SUN1: variants seen among roughly 807,000 people sequenced by gnomAD.
SUN1 encodes the protein Sad1 and UNC84 domain containing 1.
SUN1 carries 61 observed loss-of-function variants against 103.2 expected under a neutral mutation model. That is an observed-to-expected ratio of 0.59 (90% confidence interval 0.48 to 0.73). SUN1 has a LOEUF of 0.73. SUN1 is among the 30% of genes least tolerant of loss of function. The pLI, the probability that SUN1 is intolerant of heterozygous loss-of-function variation, is 0.00. For missense variants in SUN1, 1,052 were observed against 1,034.6 expected (o/e 1.02, Z -0.23); for synonymous variants, 490 against 425.7 (o/e 1.15, Z -1.86).
upstream of SUN1, chr7:815,822 G>C (rs1377221714): frequency 4.7e-6 from 1 of 214,378 alleles, no homozygotes; most frequent in East Asian, 1.9e-4. Context: ...GCCGCGGGAG[G>C]AGCCCGGCCT....
intron 1 of SUN1, among the ~76,000 whole-genome samples, chr7:837,074 G>A (rs1486370143): frequency 6.6e-6 from 1 of 152,244 alleles, no homozygotes; most frequent in African/African-American, 2.4e-5. Flanking sequence ...GGTGAGCTTG[G>A]GAGAAAGCGT....
chr7:834,688 A>G (rs1240101931), intron 1 of SUN1, among the ~76,000 whole-genome samples: 1 of 152,168 alleles, frequency 6.6e-6, no homozygotes, highest in Non-Finnish European at 1.5e-5. Context: ...TTCTGTCTCC[A>G]TCACTACCCT....
At chr7:864,030 G>C (rs541063087) in intron 15 of SUN1, among the ~76,000 whole-genome samples, 8 of 152,096 alleles carry the variant, frequency 5.3e-5, no homozygotes, top group African/African-American at 1.9e-4. Flanking sequence ...TTATTAGCTG[G>C]TATTAGATAA....
In SUN1 at chr7:816,764, C is replaced by T. The variant is rs1191882812; in HGVS notation, c.-74+91C>T. ...CGGGGGCCCGGGGGCCGGGGGGACG[C>T]GGGGTCGCGGCCTGGGCGCCCTCAG... On this transcript the variant is annotated intron_variant, in intron 1 of 17. Coordinates refer to the SUN1 transcript ENST00000389574. 1.2e-4 allele frequency: 17 copies of T among 147,554 alleles called. No homozygotes were observed. In the East Asian group the frequency reaches 1.4e-3, roughly 12 times the overall value. The allele number at this position is 147,554 out of a possible 1,614,324, so 9.1% of individuals were successfully genotyped here.
In SUN1 at chr7:839,006, C is replaced by G. The variant is rs1316140873; in HGVS notation, c.266+20C>G. ...GGCCAGGTGAGCACCGCTGCACTTC[C>G]TCTCCATCTGATCTCTAACACCAGT... On this transcript the variant is annotated intron_variant, in intron 2 of 18. Coordinates refer to ENST00000401592, the MANE Select transcript of SUN1 (RefSeq NM_001130965.3). 1.3e-6 allele frequency: 2 copies of G among 1,520,338 alleles called. No homozygotes were observed. Among genetic ancestry groups the G allele is most frequent in the Non-Finnish European group, 8.8e-7 (1 of 1,134,826 alleles). The allele number at this position is 1,520,338 out of a possible 1,614,324, so 94.2% of individuals were successfully genotyped here.
chr7:872,686 C>G, intron 18 of SUN1, 124 bp downstream of exon 18: 1 of 723,270 alleles, frequency 1.4e-6, no homozygotes, highest in African/African-American at 1.8e-5. Flanking sequence ...AAATGTTAAC[C>G]TGCGCTTCCT....
At chr7:827,477 T>TTTG (rs1554260656), upstream of SUN1, among the ~76,000 whole-genome samples, 15,731 of 144,598 alleles carry the variant, frequency 0.11, 1,008 homozygotes, top group South Asian at 0.23. Flanking sequence ...TTTTTTTTTT[T>TTTG]TTTTTTTTTT....
intron 1 of SUN1, among the ~76,000 whole-genome samples, chr7:823,481 A>T (rs1788356504): frequency 6.6e-6 from 1 of 151,462 alleles, no homozygotes; most frequent in South Asian, 2.1e-4. Flanking sequence ...AGGCAGGAGG[A>T]CATTCATTGC....
intron 1 of SUN1, among the ~76,000 whole-genome samples, chr7:817,656 T>C (rs770278199): frequency 1.3e-5 from 2 of 152,216 alleles, no homozygotes; most frequent in Non-Finnish European, 2.9e-5. Flanking sequence ...TGCTAAAGCT[T>C]TGTATGAAGG....
At chr7:817,135 T>G in intron 1 of SUN1, 1 of 372,214 alleles carries the variant, frequency 2.7e-6, no homozygotes. Context: ...GGAAGACGGT[T>G]TTATTTAAGA....
rs1299514340 is a variant in SUN1 at position 873,300 on chromosome 7, G to A, written c.2327G>A (p.Arg776Gln). 2 of 1,614,058 alleles carry A rather than the reference G, an allele frequency of 1.2e-6. No individual in the cohort carries two copies. Among genetic ancestry groups the A allele is most frequent in the Non-Finnish European group, 1.7e-6 (2 of 1,180,044 alleles). ...WGHPEYTCLY[R>Q]FRVHGEPVK is the part of the protein sequence containing the mutation. ...CATCCTGAGTATACCTGTCTGTATC[G>A]GTTCAGAGTTCATGGCGAACCTGTC... Residue 776 changes from arginine (R) to glutamine (Q), a missense_variant, in exon 19 of 19, where the codon CGG becomes CAG. Physicochemically the swap from Arg to Gln is conservative, Grantham distance 43. Coordinates refer to ENST00000401592, the MANE Select transcript of SUN1 (RefSeq NM_001130965.3).
At chr7:864,410 C>T (rs150613393) in intron 15 of SUN1, among the ~76,000 whole-genome samples, 175 of 152,002 alleles carry the variant, frequency 1.2e-3, no homozygotes, top group African/African-American at 3.8e-3. Context: ...AAAAATTATC[C>T]GGGTGTGGTG....
intron 5 of SUN1, chr7:849,952 G>A (rs751252822): frequency 2.5e-6 from 4 of 1,600,880 alleles, no homozygotes; most frequent in African/African-American, 1.3e-5. Context: ...GAGGCACCTC[G>A]ACGCGCACAC....
chr7:850,022 G>T, intron 5 of SUN1: 1 of 1,592,610 alleles, frequency 6.3e-7, no homozygotes. Flanking sequence ...TGGCACATCT[G>T]GGCATGTGCA....
chr7:830,217 C>T (rs910260273), upstream of SUN1, among the ~76,000 whole-genome samples: 1 of 152,208 alleles, frequency 6.6e-6, no homozygotes, highest in Non-Finnish European at 1.5e-5. Context: ...GCGCAGAGCA[C>T]CTGCCTTGGG....
In SUN1 at chr7:866,069, T is replaced by G; in HGVS notation, c.1980+2T>G. On this transcript the variant is annotated splice_donor_variant, in intron 16 of 18. Coordinates refer to ENST00000401592, the MANE Select transcript of SUN1 (RefSeq NM_001130965.3). LOFTEE classifies it high-confidence loss of function. ...CAGTCCCCGCGCGTGGTCATCCAGG[T>G]GAGTGGCCGCCGGTGGCCGGAGCTG... The G allele has an allele frequency of 6.2e-7, 1 of 1,613,888 alleles. No homozygotes were observed. Among genetic ancestry groups the G allele is most frequent in the Non-Finnish European group, 8.5e-7 (1 of 1,179,848 alleles).
chr7:845,702 T>C (rs1424607560), intron 5 of SUN1, among the ~76,000 whole-genome samples: 1 of 152,242 alleles, frequency 6.6e-6, no homozygotes, highest in East Asian at 1.9e-4. Flanking sequence ...TATGTACTAA[T>C]GGTAATTCTC....
intron 9 of SUN1, 133 bp from the exon 10 acceptor site, chr7:853,276 T>C: frequency 2.6e-5 from 27 of 1,029,118 alleles, no homozygotes; most frequent in Non-Finnish European, 3.7e-5. Flanking sequence ...TCCGGGTTTC[T>C]GTGGATTCCT....
upstream of SUN1, chr7:830,974 T>TG (rs1797404507): frequency 1.0e-6 from 1 of 985,316 alleles, no homozygotes; most frequent in Non-Finnish European, 1.2e-6. Context: ...GGTGTATAGG[T>TG]GGAGGGTAGC....
Sources: allele counts gnomAD v4.1 joint callset (sites outside exome capture counted in the v4.1 genomes callset), GRCh38; gene constraint gnomAD v4.1.1; transcripts MANE v1.5; gene names NCBI Gene and HGNC (gene_info 2026-07-23, HGNC 2026-07-21).